The following CPNE4 variants were observed in gnomAD, a reference collection of about 807,000 sequenced individuals.
CPNE4 encodes copine 4.
A neutral mutation model predicts 67.9 loss-of-function variants in CPNE4; 25 were observed. The observed-to-expected ratio is 0.37, with a 90% CI of 0.27 to 0.51. CPNE4 has a LOEUF of 0.51. Among genes scored for constraint, CPNE4 ranks in the 20% least tolerant of loss-of-function variants. CPNE4 has a pLI of 0.93. For synonymous variants in CPNE4, 242 were observed against 244.9 expected (o/e 0.99, Z 0.11); for missense variants, 464 against 690.8 (o/e 0.67, Z 3.68).
chr3:131,732,438 T>C (rs2082149135), intron 2 of CPNE4, among the ~76,000 whole-genome samples: 1 of 152,180 alleles, frequency 6.6e-6, no homozygotes, highest in South Asian at 2.1e-4. Flanking sequence ...ATTGTTTCAT[T>C]CAGGTTTCTT....
intron 6 of CPNE4, among the ~76,000 whole-genome samples, chr3:131,677,185 A>G (rs187513356): frequency 6.6e-6 from 1 of 151,966 alleles, no homozygotes; most frequent in African/African-American, 2.4e-5. Flanking sequence ...TCTTCTTTTA[A>G]GAGGTGTCTG....
At chr3:131,864,333 C>T (rs1236735074) in intron 2 of CPNE4, among the ~76,000 whole-genome samples, 3 of 152,106 alleles carry the variant, frequency 2.0e-5, no homozygotes, top group South Asian at 2.1e-4. Context: ...TCTTCCTACC[C>T]ATGATCATGG....
In CPNE4 at chr3:131,862,603, A is replaced by G. The variant is rs111415546; in HGVS notation, c.180+42661T>C. On this transcript the variant is annotated intron_variant, in intron 2 of 15. Coordinates refer to ENST00000429747, the MANE Select transcript of CPNE4 (RefSeq NM_130808.3). The stretch of plus-strand genomic sequence containing the variant: ...GTTTCCTGAAGGCTTATATAATGCC[A>G]TGTACTATCTGGCCTCAATTCACCT... 2.6e-3 allele frequency among the ~76,000 whole-genome samples: 389 copies of G among 152,138 alleles called. 2 individuals carry two copies. Among genetic ancestry groups the G allele is most frequent in the South Asian group, 9.8e-3 (47 of 4,810 alleles).
At chr3:131,715,316 C>G (rs1258842145) in intron 3 of CPNE4, among the ~76,000 whole-genome samples, 1 of 152,206 alleles carries the variant, frequency 6.6e-6, no homozygotes, top group Admixed American at 6.5e-5. Context: ...TAGTCTGCCT[C>G]TATCAGCTCT....
intron 1 of CPNE4, among the ~76,000 whole-genome samples, chr3:132,003,655 C>G (rs1429905979): frequency 6.6e-6 from 1 of 152,032 alleles, no homozygotes; most frequent in Non-Finnish European, 1.5e-5. Context: ...TCAACAAGCA[C>G]ACTGTCCTTG....
chr3:131,783,952 G>A (rs1300058263), intron 2 of CPNE4, among the ~76,000 whole-genome samples: 3 of 152,150 alleles, frequency 2.0e-5, no homozygotes, highest in African/African-American at 7.2e-5. Context: ...TTATTTAGCT[G>A]AAGTACGGTG....
Position 131,581,559 on chromosome 3 carries a change from A to C in CPNE4, c.867+20T>G. ...ATAGCCCTAGCTTCATACTCCTGGAAGAGAGGGTTGTGTACATACCTTGCA... is the reference window on the plus strand; with the variant it reads ...ATAGCCCTAGCTTCATACTCCTGGACGAGAGGGTTGTGTACATACCTTGCA... On this transcript the variant is annotated intron_variant, in intron 9 of 15. Coordinates refer to ENST00000429747, the MANE Select transcript of CPNE4 (RefSeq NM_130808.3). 5 of 1,547,366 alleles carry C rather than the reference A, an allele frequency of 3.2e-6. No homozygotes were observed. Among genetic ancestry groups the C allele is most frequent in the South Asian group, 1.1e-5 (1 of 89,696 alleles).
chr3:131,814,546 A>G (rs955196863), intron 2 of CPNE4, among the ~76,000 whole-genome samples: 1 of 133,390 alleles, frequency 7.5e-6, no homozygotes, highest in Admixed American at 7.5e-5. Flanking sequence ...CTTATTTTTA[A>G]TGGAAGCATA....
chr3:131,648,836 A>T (rs1243821966), intron 7 of CPNE4, among the ~76,000 whole-genome samples: 1 of 152,148 alleles, frequency 6.6e-6, no homozygotes, highest in Non-Finnish European at 1.5e-5. Flanking sequence ...AGGCCCAGGG[A>T]GGGTGCTACT....
At chr3:131,612,904 T>G (rs1003888567) in intron 7 of CPNE4, among the ~76,000 whole-genome samples, 2 of 152,220 alleles carry the variant, frequency 1.3e-5, no homozygotes, top group African/African-American at 4.8e-5. Context: ...AAGAACTACC[T>G]GAATGTCATT....
chr3:131,958,949 C>T (rs2072074493), intron 1 of CPNE4, among the ~76,000 whole-genome samples: 1 of 140,020 alleles, frequency 7.1e-6, no homozygotes, highest in Non-Finnish European at 1.5e-5. Flanking sequence ...TGAGCCACGG[C>T]TCCCGGCCTG....
chr3:131,570,277 A>G (rs1175262489), intron 10 of CPNE4, among the ~76,000 whole-genome samples: 1 of 151,666 alleles, frequency 6.6e-6, no homozygotes, highest in African/African-American at 2.4e-5. Flanking sequence ...AACCTTCAAA[A>G]AAACCTTTGA....
chr3:131,899,117 C>G (rs2088454311), intron 2 of CPNE4, among the ~76,000 whole-genome samples: 1 of 152,070 alleles, frequency 6.6e-6, no homozygotes, highest in African/African-American at 2.4e-5. Context: ...TTTTCTAGCT[C>G]TCGTCTATGT....
chr3:131,991,041 T>C (rs1429359879), intron 1 of CPNE4, among the ~76,000 whole-genome samples: 1 of 136,370 alleles, frequency 7.3e-6, no homozygotes, highest in Non-Finnish European at 1.7e-5. Flanking sequence ...TGAGGCCTCC[T>C]TCCCCATGCC....
At chr3:131,731,943 C>G (rs923052292) in intron 2 of CPNE4, among the ~76,000 whole-genome samples, 13 of 152,264 alleles carry the variant, frequency 8.5e-5, no homozygotes, top group South Asian at 8.3e-4. Flanking sequence ...ACCTGGGGAT[C>G]TCCAAACCAA....
intron 2 of CPNE4, among the ~76,000 whole-genome samples, chr3:131,831,365 T>C (rs1183629287): frequency 6.6e-6 from 1 of 152,206 alleles, no homozygotes. Context: ...CCATTACTTA[T>C]ATTTAGATGC....
At chr3:131,954,592 A>G (rs2071883096) in intron 1 of CPNE4, among the ~76,000 whole-genome samples, 1 of 152,118 alleles carries the variant, frequency 6.6e-6, no homozygotes. Context: ...GGTGTGGTGC[A>G]CCCATTAACT....
chr3:131,801,884 CAA>C (rs766283450), intron 2 of CPNE4, among the ~76,000 whole-genome samples: 2 of 44,438 alleles, frequency 4.5e-5, no homozygotes, highest in Non-Finnish European at 8.5e-5. Context: ...AGCCAAATGC[CAA>C]AAAAAAAAAA....
chr3:131,717,882 C>CTCTTTCTTTCTTTCT (rs1553758881), intron 3 of CPNE4, among the ~76,000 whole-genome samples: 3 of 54,050 alleles, frequency 5.6e-5, no homozygotes, highest in African/African-American at 1.6e-4. Flanking sequence ...TCTTTTCTTT[C>CTCTTTCTTTCTTTCT]TTTCTTTCTT....
Sources: allele counts gnomAD v4.1 joint callset (sites outside exome capture counted in the v4.1 genomes callset), GRCh38; gene constraint gnomAD v4.1.1; transcripts MANE v1.5; gene names NCBI Gene and HGNC (gene_info 2026-07-23, HGNC 2026-07-21).